Variants in SLC22A3 observed in about 807,000 individuals in gnomAD.
SLC22A3 encodes EMT organic cation transporter 3.
SLC22A3 carries 51 observed loss-of-function variants against 59.1 expected under a neutral mutation model. That is an observed-to-expected ratio of 0.86 (90% CI 0.69 to 1.09). SLC22A3 has a LOEUF of 1.09. Among genes scored for constraint, SLC22A3 ranks in the 50% least tolerant of loss-of-function variants. The pLI is 0.00. For synonymous variants in SLC22A3, 325 were observed against 292.0 expected (o/e 1.11, Z -1.15); for missense variants, 711 against 726.3 (o/e 0.98, Z 0.24).
rs1257566122 is a variant in SLC22A3 at position 160,436,836 on chromosome 6, T to A, written c.1032T>A (p.Thr344=). 6 of 1,613,886 alleles carry A rather than the reference T, an allele frequency of 3.7e-6. No individual in the cohort carries two copies. Among genetic ancestry groups the A allele is most frequent in the Non-Finnish European group, 5.1e-6 (6 of 1,179,828 alleles). ...SNPSFLDLVR[T]PQMRKCTLIL... ...CATCCTTTTTAGATCTGGTGAGAAC[T>A]CCCCAAATGAGGAAATGCACACTTA... Residue 344 remains threonine, a synonymous_variant, in exon 6 of 11, where the codon ACT becomes ACA. Coordinates refer to ENST00000275300, the MANE Select transcript of SLC22A3 (RefSeq NM_021977.4).
intron 5 of SLC22A3, among the ~76,000 whole-genome samples, chr6:160,418,867 C>T (rs147414943): frequency 3.3e-5 from 5 of 152,220 alleles, no homozygotes; most frequent in East Asian, 3.9e-4. Context: ...CCTATACTGG[C>T]GCAATAAACC....
At chr6:160,348,890 G>T (rs1290015270) in intron 1 of SLC22A3, 42 bp downstream of exon 1, 3 of 1,541,276 alleles carry the variant, frequency 1.9e-6, no homozygotes, top group Non-Finnish European at 2.6e-6. Flanking sequence ...GGGAGAGGAC[G>T]ATGCTGGCTC....
chr6:160,439,663 T>A (rs748830738), intron 7 of SLC22A3, among the ~76,000 whole-genome samples: 1 of 152,234 alleles, frequency 6.6e-6, no homozygotes, highest in Non-Finnish European at 1.5e-5. Context: ...TTTATAGATA[T>A]AATTTCCTGA....
chr6:160,437,245 G>A, intron 7 of SLC22A3, 34 bp downstream of exon 7: 1 of 1,608,874 alleles, frequency 6.2e-7, no homozygotes, highest in Non-Finnish European at 8.5e-7. Context: ...GGCAGCCAAA[G>A]GACTTGAAAA....
rs114502516 is a variant in SLC22A3 at position 160,441,547 on chromosome 6, T to C, written c.1289-1214T>C. 7.1e-3 allele frequency among the ~76,000 whole-genome samples: 1,084 copies of C among 152,066 alleles called. 15 individuals are homozygous for C. Among genetic ancestry groups the C allele is most frequent in the African/African-American group, 0.025 (1,027 of 41,448 alleles). On this transcript the variant is annotated intron_variant, in intron 7 of 10. Coordinates refer to ENST00000275300, the MANE Select transcript of SLC22A3 (RefSeq NM_021977.4). ...GACTCCCAGAAATGGTTTGGATTCT[T>C]GAGCCATCTTTTCCTTACACCTGTG...
intron 1 of SLC22A3, among the ~76,000 whole-genome samples, chr6:160,356,299 A>G (rs1306085450): frequency 6.6e-6 from 1 of 152,186 alleles, no homozygotes; most frequent in Non-Finnish European, 1.5e-5. Flanking sequence ...CAGGAGGAAA[A>G]CAGGCCTCCA....
intron 2 of SLC22A3, among the ~76,000 whole-genome samples, chr6:160,399,894 C>T (rs1009024713): frequency 6.6e-6 from 1 of 151,956 alleles, no homozygotes. Context: ...CACCCCGCAC[C>T]CCCAACCCCA....
intron 9 of SLC22A3, among the ~76,000 whole-genome samples, chr6:160,447,357 A>G (rs1440405990): frequency 1.3e-5 from 2 of 152,024 alleles, no homozygotes; most frequent in Admixed American, 1.3e-4. Flanking sequence ...GGTAAGTGAG[A>G]GTGTCAGTGA....
At chr6:160,376,977 C>T (rs1319656490) in intron 1 of SLC22A3, among the ~76,000 whole-genome samples, 2 of 152,172 alleles carry the variant, frequency 1.3e-5, no homozygotes, top group Non-Finnish European at 2.9e-5. Flanking sequence ...TCAACATGCA[C>T]CCCAGTTGTG....
At chr6:160,354,166 T>C (rs975195130) in intron 1 of SLC22A3, among the ~76,000 whole-genome samples, 3 of 152,208 alleles carry the variant, frequency 2.0e-5, no homozygotes, top group Non-Finnish European at 4.4e-5. Context: ...GGGTTATTTT[T>C]GGCATTGACA....
chr6:160,423,079 G>T (rs1787809826), intron 5 of SLC22A3, among the ~76,000 whole-genome samples: 1 of 152,124 alleles, frequency 6.6e-6, no homozygotes, highest in African/African-American at 2.4e-5. Context: ...AGAACATGCG[G>T]TGTTTGGTTT....
intron 1 of SLC22A3, among the ~76,000 whole-genome samples, chr6:160,373,869 G>A (rs991010485): frequency 2.6e-5 from 4 of 152,144 alleles, no homozygotes; most frequent in Non-Finnish European, 4.4e-5. Context: ...CACCAAGCTC[G>A]AGTGTCCCAG....
At chr6:160,386,411 G>A (rs555641954) in intron 1 of SLC22A3, among the ~76,000 whole-genome samples, 1 of 152,350 alleles carries the variant, frequency 6.6e-6, no homozygotes, top group South Asian at 2.1e-4. Flanking sequence ...TTGGTTTTTA[G>A]GGTATCTCTT....
intron 5 of SLC22A3, among the ~76,000 whole-genome samples, chr6:160,412,725 T>G (rs1270058845): frequency 6.6e-6 from 1 of 152,158 alleles, no homozygotes; most frequent in African/African-American, 2.4e-5. Context: ...TCTATAGTCC[T>G]CATAGCCAGG....
At chr6:160,377,924 T>C (rs576763214) in intron 1 of SLC22A3, among the ~76,000 whole-genome samples, 1 of 152,348 alleles carries the variant, frequency 6.6e-6, no homozygotes, top group East Asian at 1.9e-4. Flanking sequence ...GTGAAATTGG[T>C]TTATTTAGTG....
At chr6:160,424,018 C>A (rs1034940072) in intron 5 of SLC22A3, among the ~76,000 whole-genome samples, 1 of 152,128 alleles carries the variant, frequency 6.6e-6, no homozygotes, top group African/African-American at 2.4e-5. Flanking sequence ...AGGAAGGGAT[C>A]CAGTTTCAGC....
rs1460407192 is a variant in SLC22A3, at chr6:160,368,486, C to A, written c.429+19638C>A. On this transcript the variant is annotated intron_variant, in intron 1 of 10. Coordinates refer to ENST00000275300, the MANE Select transcript of SLC22A3 (RefSeq NM_021977.4). ...ACCTGCTTAAGTTCACCTGTCCACG[C>A]TTAAACCTGCTTAAGTTCACCTGCT... is the stretch of plus-strand genomic sequence containing the variant. Among the ~76,000 whole-genome samples, 7 of 152,276 alleles carry A rather than the reference C, an allele frequency of 4.6e-5. No individual in the cohort carries two copies. In the East Asian group the frequency reaches 1.2e-3, roughly 25 times the overall value.
intron 1 of SLC22A3, among the ~76,000 whole-genome samples, chr6:160,352,977 C>T (rs1309056138): frequency 2.0e-5 from 3 of 152,162 alleles, no homozygotes; most frequent in South Asian, 2.1e-4. Context: ...CCCGCCACCG[C>T]GCCTGGCTAA....
At chr6:160,391,802 A>G (rs1050877313) in intron 1 of SLC22A3, among the ~76,000 whole-genome samples, 2 of 152,234 alleles carry the variant, frequency 1.3e-5, no homozygotes, top group Non-Finnish European at 2.9e-5. Flanking sequence ...AGGATGAGTC[A>G]CCAAGGGCAG....
Sources: gnomAD v4.1 joint callset for allele counts (sites outside exome capture counted in the v4.1 genomes callset) on GRCh38, gnomAD v4.1.1 for gene constraint, MANE v1.5 for transcripts, NCBI Gene and HGNC (gene_info 2026-07-23, HGNC 2026-07-21) for gene names.